AKAP12: variants seen among roughly 807,000 people sequenced by gnomAD.
The protein encoded by AKAP12 is A-kinase anchor protein 12.
A neutral mutation model predicts 79.9 loss-of-function variants in AKAP12; 32 were observed. The ratio of observed to expected loss-of-function variants is 0.40; its 90% CI spans 0.30 to 0.54. The LOEUF is 0.54. Ranked by LOEUF, AKAP12 falls within the 20% of genes least tolerant of loss-of-function variation. AKAP12 has a pLI of 0.48. For synonymous variants in AKAP12, 808 were observed against 857.0 expected (o/e 0.94, Z 1.00); for missense variants, 2,074 against 2,177.0 (o/e 0.95, Z 0.94).
chr6:151,280,653 T>C (rs1416966006), intron 2 of AKAP12: 6 of 149,528 alleles, frequency 4.0e-5, no homozygotes, highest in Non-Finnish European at 4.4e-5. Context: ...TTTCTTTTTT[T>C]TTTTTTTTTT....
At chr6:151,327,894 G>C (rs1449916921) in intron 3 of AKAP12, among the ~76,000 whole-genome samples, 2 of 152,166 alleles carry the variant, frequency 1.3e-5, no homozygotes, top group Admixed American at 6.6e-5. Context: ...GAAATCTTAC[G>C]TAGTGGAAAA....
At chr6:151,247,553 C>A (rs1298863748) in intron 2 of AKAP12, among the ~76,000 whole-genome samples, 1 of 152,110 alleles carries the variant, frequency 6.6e-6, no homozygotes, top group East Asian at 1.9e-4. Flanking sequence ...ATTAATGAAC[C>A]ATCTTTAAAT....
At chr6:151,273,067 C>T (rs1481068303) in intron 2 of AKAP12, among the ~76,000 whole-genome samples, 1 of 152,212 alleles carries the variant, frequency 6.6e-6, no homozygotes, top group Non-Finnish European at 1.5e-5. Context: ...GCCACCACAC[C>T]TGGCTAATTT....
intron 2 of AKAP12, among the ~76,000 whole-genome samples, chr6:151,262,222 T>G (rs1037892323): frequency 7.9e-5 from 12 of 152,196 alleles, no homozygotes; most frequent in African/African-American, 2.7e-4. Flanking sequence ...CCCAAAGTGC[T>G]GGGATAACAG....
intron 2 of AKAP12, among the ~76,000 whole-genome samples, chr6:151,291,854 A>G (rs189661571): frequency 7.2e-5 from 11 of 152,096 alleles, no homozygotes; most frequent in African/African-American, 2.7e-4. Context: ...ATGGCTTAAC[A>G]TAGCTCATCC....
intron 2 of AKAP12, among the ~76,000 whole-genome samples, chr6:151,262,528 A>C (rs1288088811): frequency 6.6e-6 from 1 of 151,938 alleles, no homozygotes; most frequent in Non-Finnish European, 1.5e-5. Flanking sequence ...TCCCATTATC[A>C]GGTTGGCTTT....
intron 2 of AKAP12, among the ~76,000 whole-genome samples, chr6:151,288,242 C>T (rs1776545798): frequency 6.6e-6 from 1 of 151,134 alleles, no homozygotes; most frequent in Admixed American, 6.6e-5. Context: ...TGGCTGGGTG[C>T]AGTGGCCCAT....
intron 2 of AKAP12, among the ~76,000 whole-genome samples, chr6:151,269,554 A>T (rs1037457596): frequency 1.3e-5 from 2 of 148,574 alleles, no homozygotes; most frequent in Non-Finnish European, 3.0e-5. Context: ...TTGTAGTTCC[A>T]TTGTAGTTCT....
chr6:151,273,145 G>C (rs1356071239), intron 2 of AKAP12, among the ~76,000 whole-genome samples: 2 of 152,156 alleles, frequency 1.3e-5, no homozygotes, highest in Admixed American at 6.5e-5. Flanking sequence ...CTGACCTTGT[G>C]ATCCGCCTGC....
chr6:151,352,806 C>G lies in AKAP12; in HGVS notation c.4415C>G (p.Ala1472Gly), dbSNP rs776184041. 1.9e-6 allele frequency: 3 copies of G among 1,614,206 alleles called. No individual in the cohort carries two copies. In the Admixed American group the frequency reaches 5.0e-5, roughly 27 times the overall value. ...EDFAAHPGED[A>G]VPTGPDCQAK... ...TTTGCCGCTCATCCAGGGGAAGATGCTGTGCCCACAGGGCCCGACTGTCAG... is the reference window on the plus strand; with the variant it reads ...TTTGCCGCTCATCCAGGGGAAGATGGTGTGCCCACAGGGCCCGACTGTCAG... The change falls in exon 4 of 5, where the codon GCT becomes GGT. Residue 1472 changes from alanine (A) to glycine (G), a missense_variant. Around this residue, in one of 3 missense-constraint regions of AKAP12, gnomAD observed 614 missense variants for 665.6 expected, o/e 0.92. Transcript: ENST00000402676.
At chr6:151,277,804 G>C (rs931133061) in intron 2 of AKAP12, among the ~76,000 whole-genome samples, 1 of 152,262 alleles carries the variant, frequency 6.6e-6, no homozygotes, top group Admixed American at 6.5e-5. Context: ...TGTGGATTTT[G>C]TAAGGATTTA....
chr6:151,300,270 T>A (rs1776833016), intron 2 of AKAP12, among the ~76,000 whole-genome samples: 1 of 152,154 alleles, frequency 6.6e-6, no homozygotes, highest in Non-Finnish European at 1.5e-5. Flanking sequence ...TGGCTTCTGG[T>A]TCCTTCCCAC....
At chr6:151,327,051 G>C (rs1777547427) in intron 3 of AKAP12, among the ~76,000 whole-genome samples, 1 of 151,590 alleles carries the variant, frequency 6.6e-6, no homozygotes, top group African/African-American at 2.4e-5. Flanking sequence ...TCTTGACCTT[G>C]TGATCTGCCC....
At chr6:151,335,720 G>T (rs1187797123) in intron 3 of AKAP12, among the ~76,000 whole-genome samples, 1 of 152,120 alleles carries the variant, frequency 6.6e-6, no homozygotes, top group African/African-American at 2.4e-5. Context: ...CGATCCTCCT[G>T]CCTCGGCCTC....
At chr6:151,291,864 C>G (rs1173391764) in intron 2 of AKAP12, among the ~76,000 whole-genome samples, 1 of 152,016 alleles carries the variant, frequency 6.6e-6, no homozygotes, top group East Asian at 1.9e-4. Flanking sequence ...ATAGCTCATC[C>G]CTGCCAGCTG....
At position 151,240,667 on chromosome 6, in the gene AKAP12, G is replaced by C; in HGVS notation, c.105G>C (p.Glu35Asp). Residue 35 changes from glutamate to aspartate, a missense_variant, in exon 2 of 5, where the codon GAG (glutamate) becomes GAC (aspartate). This residue lies in a region of AKAP12 where 1,428 missense variants were observed against 1,451.0 expected (regional missense o/e 0.98). Transcript: ENST00000402676. The part of the protein sequence containing the change: ...PEPSGGGPSA[E>D]AAPDTTADPA... Reference sequence around the variant, plus strand: ...CCAGCGGCGGCGGCCCCTCGGCCGAGGCGGCGCCAGACACCACCGCGGACC... The same window carrying C: ...CCAGCGGCGGCGGCCCCTCGGCCGACGCGGCGCCAGACACCACCGCGGACC... 5 of 1,311,616 alleles carry C rather than the reference G, an allele frequency of 3.8e-6. No homozygotes were observed. Among genetic ancestry groups the C allele is most frequent in the Middle Eastern group, 2.9e-4 (1 of 3,488 alleles). The allele number at this position is 1,311,616 out of a possible 1,614,324, so 81.2% of individuals were successfully genotyped here. A position where few individuals can be genotyped will look rare whatever the true frequency, so the allele number is the denominator to read the frequency against.
At chr6:151,248,995 A>G (rs2114681320) in intron 2 of AKAP12, among the ~76,000 whole-genome samples, 1 of 152,244 alleles carries the variant, frequency 6.6e-6, no homozygotes, top group African/African-American at 2.4e-5. Flanking sequence ...TCAAAAAAAA[A>G]AAAGTGGATT....
At chr6:151,284,549 G>C (rs540878496) in intron 2 of AKAP12, among the ~76,000 whole-genome samples, 2 of 152,190 alleles carry the variant, frequency 1.3e-5, no homozygotes, top group East Asian at 3.9e-4. Flanking sequence ...TATTGCTTGA[G>C]CCTGAGAGGT....
At chr6:151,271,722 C>T (rs545397131) in intron 2 of AKAP12, among the ~76,000 whole-genome samples, 16 of 151,872 alleles carry the variant, frequency 1.1e-4, no homozygotes, top group African/African-American at 2.9e-4. Context: ...TGCAGTGGTG[C>T]GATTTCGGCT....
Sources: allele counts gnomAD v4.1 joint callset (sites outside exome capture counted in the v4.1 genomes callset), GRCh38; gene constraint gnomAD v4.1.1; regional missense constraint gnomAD v4.1.1; transcripts MANE v1.5; gene names NCBI Gene and HGNC (gene_info 2026-07-23, HGNC 2026-07-21).